CFAP58: variants seen among roughly 807,000 people sequenced by gnomAD.
The protein encoded by CFAP58 is cilia and flagella associated protein 58.
A neutral mutation model predicts 119.5 loss-of-function variants in CFAP58; 88 were observed. The ratio of observed to expected loss-of-function variants is 0.74; its 90% CI spans 0.62 to 0.88. CFAP58 has a LOEUF of 0.88. Among genes scored for constraint, CFAP58 ranks in the 40% least tolerant of loss-of-function variants. The pLI is 0.00. For synonymous variants in CFAP58, 365 were observed against 366.3 expected, an observed-to-expected ratio of 1.00 and a Z score of 0.04; for missense variants, 990 against 1,021.2, an observed-to-expected ratio of 0.97 and a Z score of 0.42.
chr10:104,447,744 A>G lies in CFAP58; in HGVS notation c.2303A>G (p.Gln768Arg), dbSNP rs759747550. The G allele has an allele frequency of 1.9e-6, 3 of 1,614,072 alleles. No individual in the cohort carries two copies. ...YMELKHVLAR[Q>R]PGPEAAEQLK... ...GAACTAAAGCACGTCTTGGCCCGCC[A>G]GCCTGGACCTGAGGCTGCGGAACAG... The change falls in exon 16 of 18, where the codon CAG (glutamine) becomes CGG (arginine). Residue 768 changes from glutamine to arginine, a missense_variant. Transcript: ENST00000369704.
Position 104,360,951 on chromosome 10 carries a change from C to T in CFAP58, c.292-1072C>T, listed in dbSNP as rs537104970. Reference sequence around the variant, plus strand: ...GTGATGAACATATGCATGCATCACACACTTTTAAATGACCAGATCTCATGA... The same window carrying T: ...GTGATGAACATATGCATGCATCACATACTTTTAAATGACCAGATCTCATGA... On this transcript the variant is annotated intron_variant, in intron 2 of 17. Transcript: ENST00000369704. Among the ~76,000 whole-genome samples the T allele has an allele frequency of 2.0e-5, 3 of 152,294 alleles. No homozygotes were observed. The East Asian group carries it at 5.8e-4, about 29-fold the overall frequency.
At chr10:104,342,556 G>T in the CFAP58 span, among the ~76,000 whole-genome samples, 2 of 151,944 alleles carry the variant, frequency 1.3e-5, no homozygotes, top group African/African-American at 2.4e-5. Flanking sequence ...TTGTCAGCTG[G>T]GTGCTGTGGC....
At chr10:104,342,816 G>A in the CFAP58 span, among the ~76,000 whole-genome samples, 1 of 143,760 alleles carries the variant, frequency 7.0e-6, no homozygotes, top group Non-Finnish European at 1.5e-5. Context: ...CTGCATTCCA[G>A]CCTGGGTGAG....
At position 104,383,753 on chromosome 10, in the gene CFAP58, A is replaced by AACACACACACACACACACAC. The variant is rs59181888; in HGVS notation, c.1365+3544_1365+3563dup. On this transcript the variant is annotated intron_variant, in intron 9 of 17. Coordinates refer to ENST00000369704, the MANE Select transcript of CFAP58 (RefSeq NM_001008723.2). Reference sequence around the variant, plus strand: ...ATATTTCTTTCTTTCTTTACTGTCCAACACACACACACACACACACACACA... The same window carrying AACACACACACACACACACAC: ...ATATTTCTTTCTTTCTTTACTGTCCAACACACACACACACACACACACACACACACACACACACACACACA... Among the ~76,000 whole-genome samples the AACACACACACACACACACAC allele has an allele frequency of 4.6e-3, 678 of 145,932 alleles. 2 individuals carry two copies. The highest frequency in any genetic ancestry group is 0.01 in the Middle Eastern group (3 of 288).
intron 15 of CFAP58, among the ~76,000 whole-genome samples, chr10:104,426,838 T>A (rs182531905): frequency 6.6e-6 from 1 of 152,252 alleles, no homozygotes; most frequent in Non-Finnish European, 1.5e-5. Context: ...TTTCTAGGTA[T>A]GTAATCATAC....
intron 15 of CFAP58, among the ~76,000 whole-genome samples, chr10:104,407,318 A>G (rs931822690): frequency 1.3e-5 from 2 of 152,176 alleles, no homozygotes; most frequent in Non-Finnish European, 2.9e-5. Context: ...CACTGCCATC[A>G]TCATCATCAT....
Position 104,364,896 on chromosome 10 carries a change from C to T in CFAP58, c.597+7C>T. On this transcript the variant is annotated splice_region_variant and intron_variant, in intron 4 of 17. Coordinates refer to ENST00000369704, the MANE Select transcript of CFAP58 (RefSeq NM_001008723.2). The stretch of plus-strand genomic sequence containing the variant: ...TGAACATGCCATCAGTCAGGTCTGC[C>T]ATGGAGGGCAAGAAGAAGGAATATT... 1.2e-6 allele frequency: 2 copies of T among 1,609,910 alleles called. No homozygotes were observed. Among genetic ancestry groups the T allele is most frequent in the Non-Finnish European group, 1.7e-6 (2 of 1,178,414 alleles).
In CFAP58 at chr10:104,455,089, A is replaced by G. The variant is rs576085136; in HGVS notation, c.*559A>G. On this transcript the variant is annotated 3_prime_UTR_variant, in exon 18 of 18. Coordinates refer to ENST00000369704, the MANE Select transcript of CFAP58 (RefSeq NM_001008723.2). Reference sequence around the variant, plus strand: ...TACTTCATTATAAAAAATAAAAAAGAATCTTTGTAGAGATTTTGATACTTG... The same window carrying G: ...TACTTCATTATAAAAAATAAAAAAGGATCTTTGTAGAGATTTTGATACTTG... 1 of 152,362 alleles carries G rather than the reference A, an allele frequency of 6.6e-6. No homozygotes were observed. The highest frequency in any genetic ancestry group is 2.4e-5 in the African/African-American group (1 of 41,588). The allele number at this position is 152,362 out of a possible 1,614,324, so 9.4% of individuals were successfully genotyped here. A position where few individuals can be genotyped will look rare whatever the true frequency, so the allele number is the denominator to read the frequency against.
chr10:104,441,601 A>G (rs1361524943), intron 15 of CFAP58, among the ~76,000 whole-genome samples: 1 of 152,246 alleles, frequency 6.6e-6, no homozygotes, highest in African/African-American at 2.4e-5. Context: ...AACATCTCTC[A>G]AGAAAGCTTG....
chr10:104,358,600 C>T lies in CFAP58; in HGVS notation c.269C>T (p.Thr90Ile). 1 of 1,613,138 alleles carries T rather than the reference C, an allele frequency of 6.2e-7. No individual in the cohort carries two copies. The highest frequency in any genetic ancestry group is 8.5e-7 in the Non-Finnish European group (1 of 1,179,328). The change falls in exon 2 of 18, where the codon ACC (threonine) becomes ATC (isoleucine). Residue 90 changes from threonine (T) to isoleucine (I), a missense_variant. Physicochemically the swap from Thr to Ile is moderately conservative, Grantham distance 89. Coordinates refer to ENST00000369704, the MANE Select transcript of CFAP58 (RefSeq NM_001008723.2). The part of the protein sequence containing the change: ...TALKLSQDDQ[T>I]TIASLKKEIE... The stretch of plus-strand genomic sequence containing the variant: ...CTTAAGCTCTCTCAGGATGATCAGA[C>T]CACCATTGCATCCCTAAAGAAGGTC...
intron 9 of CFAP58, among the ~76,000 whole-genome samples, chr10:104,384,957 G>T (rs770095001): frequency 6.6e-6 from 1 of 152,154 alleles, no homozygotes; most frequent in Non-Finnish European, 1.5e-5. Flanking sequence ...CTGGAAGTGA[G>T]GAGTTCCCTA....
In CFAP58 at chr10:104,393,418, A is replaced by T. The variant is rs764026343; in HGVS notation, c.1617A>T (p.Ala539=). ...AAGACATCTCTGCCAAAGAGTCCGC[A>T]CTTGTGAAGCTGCACCTGGAACAGC... ...LKEDISAKES[A]LVKLHLEQQR... is the part of the protein sequence containing the mutation. Residue 539 remains alanine (A), a synonymous_variant, in exon 11 of 18, where the codon GCA becomes GCT. Coordinates refer to ENST00000369704, the MANE Select transcript of CFAP58 (RefSeq NM_001008723.2). The T allele has an allele frequency of 6.2e-7, 1 of 1,614,108 alleles. No individual in the cohort carries two copies. Among genetic ancestry groups the T allele is most frequent in the South Asian group, 1.1e-5 (1 of 91,072 alleles).
chr10:104,371,398 T>C (rs1317793642), intron 7 of CFAP58, among the ~76,000 whole-genome samples: 1 of 152,214 alleles, frequency 6.6e-6, no homozygotes, highest in African/African-American at 2.4e-5. Context: ...CAGAAGATAG[T>C]GAATACGTTA....
At chr10:104,419,416 C>T (rs939760657) in intron 15 of CFAP58, among the ~76,000 whole-genome samples, 6 of 152,076 alleles carry the variant, frequency 3.9e-5, no homozygotes, top group South Asian at 2.1e-4. Context: ...TTAGTGGTTC[C>T]CAAATGCTGA....
Position 104,371,040 on chromosome 10 carries a change from T to C in CFAP58, c.1076T>C (p.Val359Ala), listed in dbSNP as rs755950006. The C allele has an allele frequency of 3.7e-6, 6 of 1,609,888 alleles. No homozygotes were observed. The highest frequency in any genetic ancestry group is 3.4e-5 in the Admixed American group (2 of 59,046). ...AAAGAAACCCTAAAAAATCAGATTG[T>C]GGGATTAGAGAGAGGTAAACCATTT... is the stretch of plus-strand genomic sequence containing the variant. ...QHKETLKNQI[V>A]GLEREVEASK... Residue 359 changes from valine (V) to alanine (A), a missense_variant, in exon 7 of 18, where the codon GTG becomes GCG. Val to Ala is a moderately conservative substitution (Grantham distance 64, BLOSUM62 0). Coordinates refer to ENST00000369704, the MANE Select transcript of CFAP58 (RefSeq NM_001008723.2).
chr10:104,415,374 A>G (rs2012534763), intron 15 of CFAP58, among the ~76,000 whole-genome samples: 2 of 152,162 alleles, frequency 1.3e-5, no homozygotes, highest in Non-Finnish European at 2.9e-5. Flanking sequence ...GGAATCACAC[A>G]GGAAAGCGGG....
chr10:104,394,850 C>T (rs1313871602), intron 11 of CFAP58, among the ~76,000 whole-genome samples: 1 of 152,294 alleles, frequency 6.6e-6, no homozygotes, highest in East Asian at 1.9e-4. Context: ...ACAGTTTGTT[C>T]CACTGTGGAG....
At chr10:104,419,645 A>G (rs2012622240) in intron 15 of CFAP58, among the ~76,000 whole-genome samples, 1 of 150,408 alleles carries the variant, frequency 6.6e-6, no homozygotes, top group Non-Finnish European at 1.5e-5. Flanking sequence ...TTATGAGATG[A>G]TGGTAAGAGG....
chr10:104,420,954 T>G (rs1214099193), intron 15 of CFAP58, among the ~76,000 whole-genome samples: 1 of 152,064 alleles, frequency 6.6e-6, no homozygotes, highest in African/African-American at 2.4e-5. Context: ...GTTTTTGCTA[T>G]GTTGCTCAGG....
Sources: gnomAD v4.1 joint callset for allele counts (sites outside exome capture counted in the v4.1 genomes callset) on GRCh38, gnomAD v4.1.1 for gene constraint, MANE v1.5 for transcripts, NCBI Gene and HGNC (gene_info 2026-07-23, HGNC 2026-07-21) for gene names.